The following TLL1 variants were observed in gnomAD, a reference collection of about 807,000 sequenced individuals.
TLL1 encodes the protein tolloid-like protein 1.
Under a neutral mutation model 128.2 loss-of-function variants are expected in TLL1, and 49 were observed. The observed-to-expected ratio is 0.38, with a 90% CI of 0.30 to 0.48. TLL1 has a LOEUF of 0.48. Ranked by LOEUF, TLL1 falls within the 20% of genes least tolerant of loss-of-function variation. TLL1 has a pLI of 0.96. For missense variants in TLL1, 1,123 were observed against 1,242.0 expected (o/e 0.90, Z 1.44); for synonymous variants, 454 against 418.8 (o/e 1.08, Z -1.03).
At chr4:166,070,316 A>C (rs994472057) in intron 16 of TLL1, among the ~76,000 whole-genome samples, 2 of 151,906 alleles carry the variant, frequency 1.3e-5, no homozygotes, top group African/African-American at 2.4e-5. Flanking sequence ...TAACAGAAAT[A>C]TTAGTTGGAC....
At chr4:166,098,965 A>G (rs187543472) in intron 19 of TLL1, among the ~76,000 whole-genome samples, 13 of 152,218 alleles carry the variant, frequency 8.5e-5, no homozygotes, top group Admixed American at 3.3e-4. Context: ...CTCAGACCTC[A>G]CTAAAATTGG....
intron 1 of TLL1, among the ~76,000 whole-genome samples, chr4:165,893,700 G>T (rs1731521299): frequency 6.6e-6 from 1 of 152,172 alleles, no homozygotes. Flanking sequence ...ACCCAGAGCA[G>T]GTAACGGTAC....
At chr4:165,979,555 G>C (rs1173392693) in intron 1 of TLL1, among the ~76,000 whole-genome samples, 1 of 152,112 alleles carries the variant, frequency 6.6e-6, no homozygotes, top group Non-Finnish European at 1.5e-5. Context: ...TGGTTACTCT[G>C]AGAGAACATG....
intron 1 of TLL1, among the ~76,000 whole-genome samples, chr4:165,919,037 A>G (rs1732910049): frequency 6.6e-6 from 1 of 152,188 alleles, no homozygotes; most frequent in Non-Finnish European, 1.5e-5. Context: ...AATGGAATAT[A>G]TGTGTAATAG....
intron 1 of TLL1, among the ~76,000 whole-genome samples, chr4:165,932,591 A>G (rs756860307): frequency 3.9e-5 from 6 of 152,158 alleles, no homozygotes; most frequent in Non-Finnish European, 7.4e-5. Context: ...CAGAATGGGA[A>G]GTTAGTACTG....
intron 1 of TLL1, among the ~76,000 whole-genome samples, chr4:165,988,298 A>G (rs185147514): frequency 6.6e-6 from 1 of 152,234 alleles, no homozygotes; most frequent in Admixed American, 6.6e-5. Flanking sequence ...ATTAAGTAGC[A>G]TAATACACTA....
At chr4:165,996,263 C>G (rs796996852) in intron 5 of TLL1, among the ~76,000 whole-genome samples, 1 of 152,096 alleles carries the variant, frequency 6.6e-6, no homozygotes, top group Non-Finnish European at 1.5e-5. Context: ...CCTCATGATA[C>G]CCAGCCCACT....
intron 7 of TLL1, among the ~76,000 whole-genome samples, chr4:166,012,703 C>G (rs944849476): frequency 6.6e-6 from 1 of 151,594 alleles, no homozygotes; most frequent in Admixed American, 6.6e-5. Context: ...CACTGGCCTG[C>G]CTGGAGTGGT....
intron 14 of TLL1, among the ~76,000 whole-genome samples, chr4:166,059,395 A>G (rs1163326493): frequency 5.9e-5 from 9 of 152,158 alleles, no homozygotes; most frequent in African/African-American, 1.9e-4. Context: ...ATTTAAATAG[A>G]ACCTTTTAAA....
intron 8 of TLL1, among the ~76,000 whole-genome samples, chr4:166,017,923 C>G (rs1219843384): frequency 6.6e-6 from 1 of 152,118 alleles, no homozygotes; most frequent in Non-Finnish European, 1.5e-5. Context: ...TGACATTAAG[C>G]TACACTGATG....
chr4:166,066,182 A>G (rs1740566922), intron 16 of TLL1, among the ~76,000 whole-genome samples: 1 of 151,400 alleles, frequency 6.6e-6, no homozygotes, highest in Non-Finnish European at 1.5e-5. Context: ...TTCTTATTTT[A>G]ATATATTTTC....
intron 1 of TLL1, among the ~76,000 whole-genome samples, chr4:165,921,783 T>C (rs1477824677): frequency 6.6e-6 from 1 of 152,224 alleles, no homozygotes; most frequent in Admixed American, 6.5e-5. Context: ...GAGACTGTTC[T>C]GTGGTTTGAA....
intron 8 of TLL1, among the ~76,000 whole-genome samples, chr4:166,025,038 G>C (rs2111068867): frequency 6.6e-6 from 1 of 152,228 alleles, no homozygotes. Flanking sequence ...TGGCTCCTTG[G>C]AAATGAATGA....
intron 1 of TLL1, among the ~76,000 whole-genome samples, chr4:165,934,631 A>C (rs994661145): frequency 3.9e-5 from 6 of 152,192 alleles, no homozygotes; most frequent in Non-Finnish European, 8.8e-5. Context: ...GGGCAGAGGT[A>C]AAGGAACAGA....
intron 1 of TLL1, among the ~76,000 whole-genome samples, chr4:165,933,821 T>C (rs1233538430): frequency 6.6e-6 from 1 of 152,062 alleles, no homozygotes; most frequent in Admixed American, 6.6e-5. Flanking sequence ...TCCGAGCAGC[T>C]CCCCTCCACT....
At chr4:165,935,206 A>C (rs1260199547) in intron 1 of TLL1, among the ~76,000 whole-genome samples, 1 of 152,230 alleles carries the variant, frequency 6.6e-6, no homozygotes, top group Non-Finnish European at 1.5e-5. Flanking sequence ...GACTTGTTTA[A>C]GATCAGCATC....
intron 18 of TLL1, among the ~76,000 whole-genome samples, chr4:166,084,779 A>G (rs1328816066): frequency 1.3e-5 from 2 of 152,038 alleles, no homozygotes; most frequent in African/African-American, 4.8e-5. Context: ...TTTCGGTTAC[A>G]ATAGCTTTGT....
At chr4:166,055,405 C>T (rs975318401) in intron 13 of TLL1, 134 bp downstream of exon 13, 26 of 787,606 alleles carry the variant, frequency 3.3e-5, no homozygotes, top group African/African-American at 1.7e-4. Flanking sequence ...TGGAGAGTTT[C>T]GATAGAAAAG....
intron 1 of TLL1, among the ~76,000 whole-genome samples, chr4:165,929,994 C>T (rs1326215866): frequency 6.6e-6 from 1 of 152,100 alleles, no homozygotes; most frequent in Non-Finnish European, 1.5e-5. Context: ...TCATGATTAA[C>T]TCACTGCTCG....
Sources: allele counts gnomAD v4.1 joint callset (sites outside exome capture counted in the v4.1 genomes callset), GRCh38; gene constraint gnomAD v4.1.1; transcripts MANE v1.5; gene names NCBI Gene and HGNC (gene_info 2026-07-23, HGNC 2026-07-21).